NAXD: variants seen among roughly 807,000 people sequenced by gnomAD.
NAXD encodes ATP-dependent (S)-NAD(P)H-hydrate dehydratase.
Under a neutral mutation model 35.8 loss-of-function variants are expected in NAXD, and 22 were observed. That is an observed-to-expected ratio of 0.62 (90% CI 0.44 to 0.88). NAXD has a LOEUF of 0.88. Among genes scored for constraint, NAXD ranks in the 40% least tolerant of loss-of-function variants. NAXD has a pLI of 0.00. For missense variants in NAXD, 428 were observed against 437.7 expected (o/e 0.98, Z 0.20); for synonymous variants, 189 against 177.6 (o/e 1.06, Z -0.51).
At position 110,631,194 on chromosome 13, in the gene NAXD, C is replaced by T. The variant is rs554309968; in HGVS notation, c.442-3351C>T. Among the ~76,000 whole-genome samples the T allele has an allele frequency of 2.0e-5, 3 of 152,318 alleles. No individual in the cohort carries two copies. In the East Asian group the frequency reaches 5.8e-4, roughly 29 times the overall value. ...ACCTGTCCTCACACTGTGCTCTTTGCACACTCGTTAACAGTGTGTCCTGGA... is the reference window on the plus strand; with the variant it reads ...ACCTGTCCTCACACTGTGCTCTTTGTACACTCGTTAACAGTGTGTCCTGGA... On this transcript the variant is annotated intron_variant, in intron 5 of 9. Coordinates refer to ENST00000680254, the MANE Select transcript of NAXD (RefSeq NM_001242882.2).
At position 110,639,694 on chromosome 13, in the gene NAXD, A is replaced by G. The variant is rs1410692302; in HGVS notation, c.*1166A>G. 3 of 152,190 alleles carry G rather than the reference A, an allele frequency of 2.0e-5. No homozygotes were observed. The highest frequency in any genetic ancestry group is 4.4e-5 in the Non-Finnish European group (3 of 68,044). The allele number at this position is 152,190 out of a possible 1,614,324, so 9.4% of individuals were successfully genotyped here. On this transcript the variant is annotated 3_prime_UTR_variant, in exon 10 of 10. Transcript: ENST00000680254. ...TAGGGTGTTCTCTTATACTTTCAGT[A>G]GCATCTTTCCACAGCAAGGGCCAAA...
At chr13:110,616,006 G>A (rs1886037372) in intron 1 of NAXD, 1 of 392,958 alleles carries the variant, frequency 2.5e-6, no homozygotes, top group Non-Finnish European at 4.4e-6. Flanking sequence ...CGCGTCCCAG[G>A]AGCGGCGGAG....
chr13:110,638,587 G>A lies in NAXD; in HGVS notation c.*59G>A, dbSNP rs767091025. ...GACGGGGGAGAGCGTGTGTGTGATGGGAAAATCCGGACCCACGCGTGTGCT... is the reference window on the plus strand; with the variant it reads ...GACGGGGGAGAGCGTGTGTGTGATGAGAAAATCCGGACCCACGCGTGTGCT... On this transcript the variant is annotated 3_prime_UTR_variant, in exon 10 of 10. Coordinates refer to ENST00000680254, the MANE Select transcript of NAXD (RefSeq NM_001242882.2). This position sits in a 1 kb window ranked among gnomAD's most constrained non-coding sequence, Gnocchi z 5.4. The A allele has an allele frequency of 6.3e-6, 10 of 1,591,248 alleles. No individual in the cohort carries two copies. The East Asian group carries it at 2.0e-4, about 32-fold the overall frequency.
rs1305748738 is a variant in NAXD at position 110,615,905 on chromosome 13, G to A, written c.46+258G>A. On this transcript the variant is annotated intron_variant, in intron 1 of 9. Transcript: ENST00000680254. ...GGAGAGGACGGAGGCCTCCTGGAAC[G>A]GCGCGGCGACGGCTGGGCGCGGCTT... The A allele has an allele frequency of 3.4e-5, 25 of 731,994 alleles. 1 individual carries two copies. The Admixed American group carries it at 6.2e-4, about 18-fold the overall frequency. 45.3% of individuals were successfully genotyped at this position (731,994 alleles called of 1,614,324 possible). A position where few individuals can be genotyped will look rare whatever the true frequency, so the allele number is the denominator to read the frequency against.
chr13:110,638,360 C>G lies in NAXD; in HGVS notation c.840-18C>G, dbSNP rs768408069. ...GACGCCCACTTCCCCACACCTCCTG[C>G]TGTCCCCCTCTCCGCAGGTCCAGCC... On this transcript the variant is annotated intron_variant, in intron 9 of 9. Coordinates refer to ENST00000680254, the MANE Select transcript of NAXD (RefSeq NM_001242882.2). The surrounding 1 kb of genome is among the most constrained non-coding windows in gnomAD (Gnocchi z 5.4). 6.2e-7 allele frequency: 1 copy of G among 1,613,916 alleles called. No homozygotes were observed. The highest frequency in any genetic ancestry group is 1.1e-5 in the South Asian group (1 of 91,084).
rs1047152042 is a variant in NAXD at position 110,628,213 on chromosome 13, TG to T, written c.441+669del. 1.3e-5 allele frequency among the ~76,000 whole-genome samples: 2 copies of T among 152,214 alleles called. No homozygotes were observed. Among genetic ancestry groups the T allele is most frequent in the African/African-American group, 4.8e-5 (2 of 41,448 alleles). ...GTTCCCTGCGTCCTCTGACGCTCCC[TG>T]GGCTGGTGTGTCTCTGCTGGGGGTT... On this transcript the variant is annotated intron_variant, in intron 5 of 9. Coordinates refer to ENST00000680254, the MANE Select transcript of NAXD (RefSeq NM_001242882.2). This position sits in a 1 kb window ranked among gnomAD's most constrained non-coding sequence, Gnocchi z 4.1.
intron 5 of NAXD, among the ~76,000 whole-genome samples, chr13:110,631,531 A>C (rs1030807103): frequency 1.3e-5 from 2 of 152,226 alleles, no homozygotes; most frequent in African/African-American, 2.4e-5. Flanking sequence ...CCTTTCTAGG[A>C]GACCCATGTA....
At chr13:110,634,952 G>A (rs3742195) in intron 7 of NAXD, among the ~76,000 whole-genome samples, 176 bp downstream of exon 7, 3 of 152,224 alleles carry the variant, frequency 2.0e-5, no homozygotes, top group African/African-American at 2.4e-5. Flanking sequence ...TTGGATGAAC[G>A]ATGGTGTAGT....
At chr13:110,631,785 C>T (rs1886703264) in intron 5 of NAXD, among the ~76,000 whole-genome samples, 1 of 152,120 alleles carries the variant, frequency 6.6e-6, no homozygotes, top group Non-Finnish European at 1.5e-5. Context: ...CATGAAGTCT[C>T]AGGTACCTGC....
chr13:110,615,688 CG>C (rs1272888808), intron 1 of NAXD, 41 bp downstream of exon 1: 7 of 1,524,632 alleles, frequency 4.6e-6, no homozygotes, highest in Admixed American at 4.0e-5. Flanking sequence ...GTCACACGCG[CG>C]GGGGCCGGAA....
In NAXD at chr13:110,638,182, C is replaced by T. The variant is rs1887007749; in HGVS notation, c.840-196C>T. The T allele has an allele frequency of 1.4e-6, 2 of 1,474,288 alleles. No individual in the cohort carries two copies. Among genetic ancestry groups the T allele is most frequent in the African/African-American group, 1.4e-5 (1 of 70,790 alleles). 91.3% of individuals were successfully genotyped at this position (1,474,288 alleles called of 1,614,324 possible). ...ATAGACGTTTCCTGTGTGCCTCCTG[C>T]CAGGGAGTAGTGGAGGGTTAATGGT... is the stretch of plus-strand genomic sequence containing the variant. On this transcript the variant is annotated intron_variant, in intron 9 of 9. Coordinates refer to ENST00000680254, the MANE Select transcript of NAXD (RefSeq NM_001242882.2). The surrounding 1 kb of genome is among the most constrained non-coding windows in gnomAD (Gnocchi z 5.4).
At chr13:110,615,670 C>T (rs572443820) in intron 1 of NAXD, 23 bp downstream of exon 1, 3 of 1,520,460 alleles carry the variant, frequency 2.0e-6, no homozygotes, top group South Asian at 1.2e-5. Context: ...CCATTTGGCC[C>T]GGGGATGGTC....
intron 5 of NAXD, among the ~76,000 whole-genome samples, 184 bp downstream of exon 5, chr13:110,627,731 G>T (rs3742194): frequency 6.6e-6 from 1 of 152,140 alleles, no homozygotes; most frequent in African/African-American, 2.4e-5. Flanking sequence ...GTGCTGAGAT[G>T]TGCTTCTCTC....
At chr13:110,633,379 T>C (rs180675320) in intron 5 of NAXD, among the ~76,000 whole-genome samples, 17,100 of 152,010 alleles carry the variant, frequency 0.11, 1,059 homozygotes, top group Middle Eastern at 0.16. Flanking sequence ...CCGCAAGCGC[T>C]GCAGGCAGCC....
chr13:110,638,419 T>A lies in NAXD; in HGVS notation c.881T>A (p.Leu294His). 1 of 1,613,566 alleles carries A rather than the reference T, an allele frequency of 6.2e-7. No individual in the cohort carries two copies. The highest frequency in any genetic ancestry group is 8.5e-7 in the Non-Finnish European group (1 of 1,179,994). The change falls in exon 10 of 10, where the codon CTC becomes CAC. Residue 294 changes from leucine (L) to histidine (H), a missense_variant. Leu to His is a moderately conservative substitution (Grantham distance 99). This residue lies in a region of NAXD where 209 missense variants were observed against 214.6 expected (regional missense o/e 0.97). Transcript: ENST00000680254. The surrounding 1 kb of genome is among the most constrained non-coding windows in gnomAD (Gnocchi z 5.4). ...GTGGCCGCGTTTGGCGCCTGCTCTCTCACCAGGCAGTGCAACCACCAAGCC... is the reference window on the plus strand; with the variant it reads ...GTGGCCGCGTTTGGCGCCTGCTCTCACACCAGGCAGTGCAACCACCAAGCC... ...LLVAAFGACS[L>H]TRQCNHQAFQ... is the part of the protein sequence containing the mutation.
chr13:110,636,862 T>C (rs903806354), intron 8 of NAXD, among the ~76,000 whole-genome samples: 5 of 152,234 alleles, frequency 3.3e-5, no homozygotes, highest in African/African-American at 1.2e-4. Flanking sequence ...GAGCTGCAGG[T>C]GTCTCCACCA....
At position 110,628,763 on chromosome 13, in the gene NAXD, G is replaced by C. The variant is rs1341774134; in HGVS notation, c.441+1216G>C. Among the ~76,000 whole-genome samples the C allele has an allele frequency of 2.0e-5, 3 of 152,166 alleles. No homozygotes were observed. The highest frequency in any genetic ancestry group is 7.2e-5 in the African/African-American group (3 of 41,444). On this transcript the variant is annotated intron_variant, in intron 5 of 9. Coordinates refer to ENST00000680254, the MANE Select transcript of NAXD (RefSeq NM_001242882.2). The surrounding 1 kb of genome is among the most constrained non-coding windows in gnomAD (Gnocchi z 4.1). The stretch of plus-strand genomic sequence containing the variant: ...TCCCCGGGGAGAGGCTCTCAATGGG[G>C]AGTCCCATCTGCAGGCTGCGGGTCT...
Position 110,634,655 on chromosome 13 carries a change from C to T in NAXD, c.493-17C>T. On this transcript the variant is annotated splice_polypyrimidine_tract_variant and intron_variant, in intron 6 of 9. Transcript: ENST00000680254. ...CGGAAGGCCTGTGCAGTGAGCACGG[C>T]TCCTTGTTCTGTGCAGGATGGCCTG... 1.2e-6 allele frequency: 2 copies of T among 1,613,808 alleles called. No homozygotes were observed. The highest frequency in any genetic ancestry group is 1.7e-6 in the Non-Finnish European group (2 of 1,179,662).
intron 4 of NAXD, 78 bp downstream of exon 4, chr13:110,625,356 A>T: frequency 1.1e-6 from 1 of 945,096 alleles, no homozygotes; most frequent in Non-Finnish European, 1.7e-6. Context: ...TGACACCGAA[A>T]GCGTCCTGAT....
Sources: gnomAD v4.1 joint callset for allele counts (sites outside exome capture counted in the v4.1 genomes callset) on GRCh38, gnomAD v4.1.1 for gene constraint, gnomAD v4.1.1 regional missense constraint, Gnocchi (gnomAD v3.1) non-coding constraint, MANE v1.5 for transcripts, NCBI Gene and HGNC (gene_info 2026-07-23, HGNC 2026-07-21) for gene names.